The following IPO11 variants were observed in gnomAD, a reference collection of about 807,000 sequenced individuals.
IPO11 encodes the protein importin-11.
A neutral mutation model predicts 143.2 loss-of-function variants in IPO11; 66 were observed. The observed-to-expected ratio is 0.46, with a 90% CI of 0.38 to 0.57. The LOEUF (loss-of-function observed/expected upper bound fraction) is 0.57. Among genes scored for constraint, IPO11 ranks in the 20% least tolerant of loss-of-function variants. The pLI, the probability that IPO11 is intolerant of heterozygous loss-of-function variation, is 0.00. For synonymous variants in IPO11, 385 were observed against 377.8 expected, an observed-to-expected ratio of 1.02 and a Z score of -0.22; for missense variants, 1,026 against 1,141.0, an observed-to-expected ratio of 0.90 and a Z score of 1.45.
intron 27 of IPO11, chr5:62,579,948 C>A (rs1203258037): frequency 1.9e-6 from 3 of 1,551,074 alleles, no homozygotes; most frequent in Non-Finnish European, 2.6e-6. Flanking sequence ...GCCTCACTGT[C>A]CTTGGGAGTG....
At chr5:62,449,719 A>G (rs777050428) in intron 3 of IPO11, 22 of 392,978 alleles carry the variant, frequency 5.6e-5, no homozygotes, top group Non-Finnish European at 8.2e-5. Context: ...ACCAGAACCA[A>G]TTAGGGACAG....
intron 3 of IPO11, among the ~76,000 whole-genome samples, chr5:62,445,263 T>C (rs1744678461): frequency 1.3e-5 from 2 of 152,156 alleles, no homozygotes; most frequent in Non-Finnish European, 2.9e-5. Flanking sequence ...ACTAACAAGC[T>C]TGTTACCATT....
intron 27 of IPO11, among the ~76,000 whole-genome samples, chr5:62,573,349 G>A (rs1744208180): frequency 6.6e-6 from 1 of 152,180 alleles, no homozygotes; most frequent in South Asian, 2.1e-4. Context: ...TCAATAAATA[G>A]ATCTGATCCA....
intron 20 of IPO11, 105 bp from the exon 21 acceptor site, chr5:62,526,037 C>T (rs998997622): frequency 3.3e-5 from 23 of 695,458 alleles, no homozygotes; most frequent in Admixed American, 1.1e-4. Flanking sequence ...AAATATGATT[C>T]ATTTTTTTAA....
chr5:62,453,914 C>T (rs1745029047), intron 5 of IPO11, among the ~76,000 whole-genome samples: 1 of 152,002 alleles, frequency 6.6e-6, no homozygotes, highest in Admixed American at 6.6e-5. Flanking sequence ...GCGAGTGGAT[C>T]ATGAGGTCAG....
Position 62,530,652 on chromosome 5 carries a change from T to C in IPO11, c.2013-57T>C, listed in dbSNP as rs191516945. On this transcript the variant is annotated intron_variant, in intron 21 of 29. Coordinates refer to ENST00000325324, the MANE Select transcript of IPO11 (RefSeq NM_016338.5). ...GACCTTTTAAAATATTTAAGTCATATGTTAATGGCTTTAATGGGCATGGAA... is the reference window on the plus strand; with the variant it reads ...GACCTTTTAAAATATTTAAGTCATACGTTAATGGCTTTAATGGGCATGGAA... The C allele has an allele frequency of 4.8e-6, 5 of 1,039,814 alleles. 1 individual carries two copies. The highest frequency in any genetic ancestry group is 2.6e-5 in the South Asian group (2 of 76,782). 64.4% of individuals were successfully genotyped at this position (1,039,814 alleles called of 1,614,324 possible). A position where few individuals can be genotyped will look rare whatever the true frequency, so the allele number is the denominator to read the frequency against.
At chr5:62,580,975 A>G in intron 27 of IPO11, 1 of 1,551,114 alleles carries the variant, frequency 6.4e-7, no homozygotes, top group Non-Finnish European at 8.7e-7. Context: ...GTCAGGGAAA[A>G]CATCTCTAAT....
At chr5:62,605,599 GT>G (rs199722811) in intron 29 of IPO11, among the ~76,000 whole-genome samples, 4,035 of 151,748 alleles carry the variant, frequency 0.027, 171 homozygotes, top group African/African-American at 0.09. Flanking sequence ...AACATCTTTA[GT>G]TTTTTGTAAT....
At chr5:62,617,086 G>A (rs1330718340) in intron 29 of IPO11, among the ~76,000 whole-genome samples, 1 of 152,116 alleles carries the variant, frequency 6.6e-6, no homozygotes, top group Non-Finnish European at 1.5e-5. Context: ...ATTCTCATAA[G>A]ATTTGCTCAG....
chr5:62,561,085 CA>C, intron 26 of IPO11, 50 bp from the exon 27 acceptor site: 2 of 1,510,676 alleles, frequency 1.3e-6, no homozygotes, highest in Non-Finnish European at 1.8e-6. Flanking sequence ...TATTTACCCA[CA>C]AGTAAAACAT....
In IPO11 at chr5:62,511,645, A is replaced by G. The variant is rs143350631; in HGVS notation, c.1783-3743A>G. Among the ~76,000 whole-genome samples, 1,101 of 152,314 alleles carry G rather than the reference A, an allele frequency of 7.2e-3. 14 individuals carry two copies. Among genetic ancestry groups the G allele is most frequent in the African/African-American group, 0.025 (1,037 of 41,566 alleles). ...TTAGAGTATTTTACTAGCAGAATGA[A>G]GAAACTCACCCTTTCTGGGAACATT... On this transcript the variant is annotated intron_variant, in intron 19 of 29. Transcript: ENST00000325324.
intron 5 of IPO11, among the ~76,000 whole-genome samples, chr5:62,466,241 G>T (rs1390255922): frequency 6.6e-6 from 1 of 152,144 alleles, no homozygotes; most frequent in African/African-American, 2.4e-5. Flanking sequence ...AAGTTGCCCT[G>T]GGGGATATGG....
chr5:62,443,879 T>G (rs191427557), intron 3 of IPO11, among the ~76,000 whole-genome samples: 8 of 152,266 alleles, frequency 5.3e-5, no homozygotes, highest in Admixed American at 1.3e-4. Flanking sequence ...ATAGAAAATA[T>G]GGTAGTGAAT....
intron 1 of IPO11, among the ~76,000 whole-genome samples, chr5:62,432,121 T>TAA (rs770726713): frequency 2.6e-4 from 39 of 152,196 alleles, no homozygotes; most frequent in Non-Finnish European, 4.4e-4. Context: ...AACACTTAAG[T>TAA]AAAAGCTGCT....
intron 27 of IPO11, among the ~76,000 whole-genome samples, chr5:62,581,639 C>T (rs532725073): frequency 1.0e-3 from 157 of 152,182 alleles, no homozygotes; most frequent in African/African-American, 3.6e-3. Context: ...AGTAACTATG[C>T]CAAATTCTCA....
At chr5:62,435,410 G>T (rs1207539444) in intron 1 of IPO11, among the ~76,000 whole-genome samples, 2 of 147,662 alleles carry the variant, frequency 1.4e-5, no homozygotes, top group African/African-American at 5.0e-5. Context: ...GCAACAAAGC[G>T]AGACCTTGTC....
chr5:62,606,518 A>G (rs1745724627), intron 29 of IPO11, among the ~76,000 whole-genome samples: 1 of 137,372 alleles, frequency 7.3e-6, no homozygotes, highest in South Asian at 2.3e-4. Context: ...GAGAACCCTT[A>G]TGTCTCATTA....
At position 62,534,046 on chromosome 5, in the gene IPO11, A is replaced by G. The variant is rs1473575434; in HGVS notation, c.2090-2656A>G. 3.3e-5 allele frequency among the ~76,000 whole-genome samples: 5 copies of G among 152,154 alleles called. No homozygotes were observed. In the East Asian group the frequency reaches 5.8e-4, roughly 18 times the overall value. Reference sequence around the variant, plus strand: ...AGAACACTTTAAGATGTTTAAGTTAATGGTTTTTTAGGATGCGTTAATTAA... The same window carrying G: ...AGAACACTTTAAGATGTTTAAGTTAGTGGTTTTTTAGGATGCGTTAATTAA... On this transcript the variant is annotated intron_variant, in intron 22 of 29. Coordinates refer to ENST00000325324, the MANE Select transcript of IPO11 (RefSeq NM_016338.5).
At chr5:62,533,243 C>T (rs1742620674) in intron 22 of IPO11, among the ~76,000 whole-genome samples, 2 of 142,378 alleles carry the variant, frequency 1.4e-5, no homozygotes, top group Admixed American at 7.2e-5. Flanking sequence ...TGGAGTTTCA[C>T]TCTTGTTGCC....
Sources: allele counts gnomAD v4.1 joint callset (sites outside exome capture counted in the v4.1 genomes callset), GRCh38; gene constraint gnomAD v4.1.1; transcripts MANE v1.5; gene names NCBI Gene and HGNC (gene_info 2026-07-23, HGNC 2026-07-21).